SLC9C1: variants seen among roughly 807,000 people sequenced by gnomAD.
SLC9C1 encodes sodium/hydrogen exchanger 10.
A neutral mutation model predicts 140.9 loss-of-function variants in SLC9C1; 97 were observed. The observed-to-expected ratio is 0.69, with a 90% CI of 0.58 to 0.82. SLC9C1 has a LOEUF of 0.82. Among genes scored for constraint, SLC9C1 ranks in the 40% least tolerant of loss-of-function variants. SLC9C1 has a pLI of 0.00. For synonymous variants in SLC9C1, 440 were observed against 442.6 expected, an observed-to-expected ratio of 0.99 and a Z score of 0.07; for missense variants, 1,340 against 1,389.3, an observed-to-expected ratio of 0.96 and a Z score of 0.56.
chr3:112,245,499 G>A (rs886549325), intron 10 of SLC9C1, among the ~76,000 whole-genome samples: 13 of 150,058 alleles, frequency 8.7e-5, no homozygotes, highest in African/African-American at 3.2e-4. Context: ...TTCTCTCATT[G>A]AACTGTTTCA....
intron 10 of SLC9C1, among the ~76,000 whole-genome samples, chr3:112,255,290 C>T (rs909557263): frequency 2.0e-5 from 3 of 152,132 alleles, no homozygotes; most frequent in African/African-American, 7.2e-5. Flanking sequence ...ACATTCTTCT[C>T]ATCACCACAT....
At chr3:112,206,770 A>T (rs958693970) in intron 16 of SLC9C1, among the ~76,000 whole-genome samples, 2 of 150,584 alleles carry the variant, frequency 1.3e-5, no homozygotes, top group Non-Finnish European at 3.0e-5. Flanking sequence ...ACATATTCTC[A>T]CTCGTAGGTG....
At chr3:112,240,216 A>G (rs1291577473) in intron 11 of SLC9C1, among the ~76,000 whole-genome samples, 2 of 152,242 alleles carry the variant, frequency 1.3e-5, no homozygotes, top group African/African-American at 2.4e-5. Flanking sequence ...AGTAATAGCT[A>G]ATGTTTATTG....
chr3:112,218,677 G>C (rs2078455933), intron 14 of SLC9C1, among the ~76,000 whole-genome samples: 1 of 152,152 alleles, frequency 6.6e-6, no homozygotes, highest in African/African-American at 2.4e-5. Context: ...AGACTAGTGG[G>C]ATGAAACATA....
In SLC9C1 at chr3:112,208,349, A is replaced by G. The variant is rs2108064251; in HGVS notation, c.1815T>C (p.His605=). ...CAAATTCCTCAGTAAATACTATTGT[A>G]TGGCATATACGAAAAAAGAAGTATC... is the stretch of plus-strand genomic sequence containing the variant. ...PSKYFFFRIC[H]TIVFTEEFEH... Residue 605 remains histidine (H), a synonymous_variant, in exon 16 of 29, where the codon CAT becomes CAC. Coordinates refer to ENST00000305815, the MANE Select transcript of SLC9C1 (RefSeq NM_183061.3). 6.3e-7 allele frequency: 1 copy of G among 1,576,172 alleles called. No homozygotes were observed. Among genetic ancestry groups the G allele is most frequent in the Non-Finnish European group, 8.6e-7 (1 of 1,162,522 alleles).
chr3:112,242,129 C>A (rs2079153476), intron 11 of SLC9C1, among the ~76,000 whole-genome samples: 1 of 152,070 alleles, frequency 6.6e-6, no homozygotes. Context: ...TTCTGCAAAG[C>A]AAAAGAAACT....
At chr3:112,212,116 C>T (rs1054880244) in intron 15 of SLC9C1, among the ~76,000 whole-genome samples, 2 of 152,208 alleles carry the variant, frequency 1.3e-5, no homozygotes, top group African/African-American at 4.8e-5. Flanking sequence ...GGACCTCCAG[C>T]AAACTCCAAC....
chr3:112,182,809 A>G (rs532488562), intron 20 of SLC9C1, among the ~76,000 whole-genome samples: 2 of 152,314 alleles, frequency 1.3e-5, no homozygotes, highest in African/African-American at 2.4e-5. Flanking sequence ...CTATACTTCT[A>G]TCATCATTGT....
intron 26 of SLC9C1, among the ~76,000 whole-genome samples, chr3:112,160,855 A>C (rs1382773444): frequency 2.0e-5 from 3 of 152,006 alleles, no homozygotes; most frequent in Non-Finnish European, 4.4e-5. Context: ...ACTGACTTCC[A>C]CAATGGTTGA....
At chr3:112,210,141 C>CA (rs2078162613) in intron 15 of SLC9C1, among the ~76,000 whole-genome samples, 1 of 152,190 alleles carries the variant, frequency 6.6e-6, no homozygotes, top group Admixed American at 6.5e-5. Context: ...AATTACCACA[C>CA]AGTCCTGCAA....
At chr3:112,249,100 C>A (rs565155754) in intron 10 of SLC9C1, among the ~76,000 whole-genome samples, 2 of 151,858 alleles carry the variant, frequency 1.3e-5, no homozygotes, top group Non-Finnish European at 2.9e-5. Flanking sequence ...ATAGAGGGCT[C>A]TTCTTATTTT....
At chr3:112,141,340 G>T in intron 28 of SLC9C1, 59 bp from the exon 29 acceptor site, 1 of 1,531,304 alleles carries the variant, frequency 6.5e-7, no homozygotes, top group South Asian at 1.3e-5. Flanking sequence ...TTTCAATATT[G>T]ACTTACAACC....
chr3:112,214,217 A>T (rs9857842), intron 15 of SLC9C1, among the ~76,000 whole-genome samples: 3 of 151,898 alleles, frequency 2.0e-5, no homozygotes, highest in Admixed American at 6.6e-5. Flanking sequence ...CAGTGTGTAG[A>T]GGGAAATTTG....
At chr3:112,186,219 CTTAATT>C (rs1232703488) in intron 20 of SLC9C1, among the ~76,000 whole-genome samples, 5 of 150,670 alleles carry the variant, frequency 3.3e-5, no homozygotes, top group African/African-American at 4.9e-5. Flanking sequence ...AAGAAAAATT[CTTAATT>C]TTAATGTTAT....
intron 20 of SLC9C1, among the ~76,000 whole-genome samples, chr3:112,188,784 G>A (rs971219567): frequency 6.6e-6 from 1 of 152,110 alleles, no homozygotes; most frequent in African/African-American, 2.4e-5. Flanking sequence ...TGATATTTCT[G>A]GTTCTAGATC....
chr3:112,179,361 G>C (rs1245839245), intron 23 of SLC9C1, among the ~76,000 whole-genome samples, 170 bp downstream of exon 23: 3 of 151,442 alleles, frequency 2.0e-5, no homozygotes, highest in Non-Finnish European at 4.4e-5. Context: ...ATTTTGCCAG[G>C]GCTTTATACT....
At chr3:112,219,208 C>T (rs181578227) in intron 14 of SLC9C1, among the ~76,000 whole-genome samples, 1 of 152,310 alleles carries the variant, frequency 6.6e-6, no homozygotes, top group Admixed American at 6.5e-5. Context: ...ACCCTCCACT[C>T]TTTCTTTTCT....
intron 10 of SLC9C1, among the ~76,000 whole-genome samples, chr3:112,255,349 A>G (rs1165910469): frequency 2.6e-5 from 4 of 152,180 alleles, no homozygotes; most frequent in Non-Finnish European, 5.9e-5. Context: ...AACAATCCTC[A>G]GCAAATGCAA....
At chr3:112,147,600 A>G in intron 28 of SLC9C1, 1 of 344,486 alleles carries the variant, frequency 2.9e-6, no homozygotes, top group South Asian at 2.3e-5. Context: ...AGAAAGATGA[A>G]TATAGATCCC....
Sources: gnomAD v4.1 joint callset for allele counts (sites outside exome capture counted in the v4.1 genomes callset) on GRCh38, gnomAD v4.1.1 for gene constraint, MANE v1.5 for transcripts, NCBI Gene and HGNC (gene_info 2026-07-23, HGNC 2026-07-21) for gene names.